ELSPBP1: variants seen among roughly 807,000 people sequenced by gnomAD.
ELSPBP1 encodes the protein epididymal sperm binding protein 1.
Under a neutral mutation model 33.3 loss-of-function variants are expected in ELSPBP1, and 38 were observed. The observed-to-expected ratio is 1.14, with a 90% CI of 0.88 to 1.50. The LOEUF (loss-of-function observed/expected upper bound fraction) is 1.50, where lower values mean the gene tolerates loss of function less well. ELSPBP1 is among the 40% of genes most tolerant of loss of function. The probability of loss-of-function intolerance (pLI) is 0.00; values close to 1 mark genes in which losing one functional copy is unlikely to be tolerated. For missense variants in ELSPBP1, 267 were observed against 263.5 expected (o/e 1.01, Z -0.09); for synonymous variants, 85 against 94.1 (o/e 0.90, Z 0.56).
intron 1 of ELSPBP1, among the ~76,000 whole-genome samples, chr19:48,005,202 CA>C (rs564622240): frequency 0.15 from 17,691 of 117,916 alleles, 1,039 homozygotes; most frequent in Middle Eastern, 0.22. Flanking sequence ...GACCCTGTCT[CA>C]AAAAAAAAAA....
At chr19:48,002,600 GGCCAACACGGTGAAACCGTGTC>G (rs1156913060) in intron 1 of ELSPBP1, among the ~76,000 whole-genome samples, 1 of 152,164 alleles carries the variant, frequency 6.6e-6, no homozygotes, top group Non-Finnish European at 1.5e-5. Context: ...AAACCAACCT[GGCCAACACGGTGAAACCGTGTC>G]TCTACTAAAA....
At position 48,011,477 on chromosome 19, in the gene ELSPBP1, TTGA is replaced by T. The variant is rs1409961947; in HGVS notation, c.71-2689_71-2687del. 6.8e-6 allele frequency among the ~76,000 whole-genome samples: 1 copy of T among 147,832 alleles called. No homozygotes were observed. Among genetic ancestry groups the T allele is most frequent in the Non-Finnish European group, 1.5e-5 (1 of 66,958 alleles). ...GATGATGACAATGACAATAATGAGG[TTGA>T]TGATAATGACAATGACTGATAATGA... On this transcript the variant is annotated intron_variant, in intron 2 of 6. Transcript: ENST00000339841. The surrounding 1 kb of genome is among the most constrained non-coding windows in gnomAD (Gnocchi z 4.5).
chr19:48,007,406 C>A (rs1967032815), intron 1 of ELSPBP1, among the ~76,000 whole-genome samples: 1 of 152,094 alleles, frequency 6.6e-6, no homozygotes, highest in Admixed American at 6.6e-5. Context: ...ATCATGCCTG[C>A]CCTTAGATTT....
chr19:48,021,486 C>G (rs1029489525), intron 5 of ELSPBP1, among the ~76,000 whole-genome samples: 8 of 151,008 alleles, frequency 5.3e-5, no homozygotes, highest in Non-Finnish European at 5.9e-5. Flanking sequence ...GTCGCCCAGG[C>G]TGGAGTGCAG....
At chr19:48,021,082 T>C (rs1967194964) in intron 5 of ELSPBP1, among the ~76,000 whole-genome samples, 1 of 152,206 alleles carries the variant, frequency 6.6e-6, no homozygotes, top group Admixed American at 6.5e-5. Context: ...GGGGTCATCT[T>C]TCATGAGGAC....
At chr19:48,005,510 A>G (rs1301630684) in intron 1 of ELSPBP1, among the ~76,000 whole-genome samples, 2 of 152,168 alleles carry the variant, frequency 1.3e-5, no homozygotes, top group African/African-American at 2.4e-5. Context: ...AAATGAAGTA[A>G]CATGGGGGAA....
At chr19:47,999,905 C>T (rs935976077) in intron 1 of ELSPBP1, among the ~76,000 whole-genome samples, 8 of 151,822 alleles carry the variant, frequency 5.3e-5, no homozygotes, top group African/African-American at 1.5e-4. Flanking sequence ...TCACTGCAGC[C>T]TCAATATCCT....
intron 3 of ELSPBP1, among the ~76,000 whole-genome samples, chr19:48,014,841 A>C (rs916661064): frequency 1.3e-5 from 2 of 152,194 alleles, no homozygotes; most frequent in African/African-American, 4.8e-5. Context: ...AGTGTTAAAA[A>C]TAGTGCTCTC....
chr19:48,008,539 T>C (rs1967045294), intron 1 of ELSPBP1, 112 bp from the exon 2 acceptor site: 1 of 716,774 alleles, frequency 1.4e-6, no homozygotes, highest in Non-Finnish European at 2.3e-6. Context: ...TGGTCTATTT[T>C]TTAAATTACT....
At chr19:48,018,455 C>G (rs1967165050) in intron 4 of ELSPBP1, among the ~76,000 whole-genome samples, 1 of 152,114 alleles carries the variant, frequency 6.6e-6, no homozygotes, top group South Asian at 2.1e-4. Flanking sequence ...CTGTTGTTTC[C>G]CTTACCATCT....
At chr19:48,016,656 T>A (rs1600110129) in intron 4 of ELSPBP1, among the ~76,000 whole-genome samples, 1 of 151,570 alleles carries the variant, frequency 6.6e-6, no homozygotes, top group Non-Finnish European at 1.5e-5. Context: ...TGGAGTGCAG[T>A]GGAATGATCT....
At chr19:48,012,303 GT>G (rs113060240) in intron 2 of ELSPBP1, among the ~76,000 whole-genome samples, 25,342 of 151,794 alleles carry the variant, frequency 0.17, 2,166 homozygotes, top group South Asian at 0.23. Context: ...TTGTTTGTTT[GT>G]TTTTTTGTAG....
At chr19:48,021,422 T>TA (rs1967198853) in intron 5 of ELSPBP1, among the ~76,000 whole-genome samples, 1 of 142,024 alleles carries the variant, frequency 7.0e-6, no homozygotes, top group African/African-American at 2.6e-5. Context: ...TTTTTTTTTT[T>TA]ACTTTTTATA....
intron 1 of ELSPBP1, among the ~76,000 whole-genome samples, chr19:47,999,383 A>ATT: frequency 8.2e-6 from 1 of 121,368 alleles, no homozygotes; most frequent in African/African-American, 3.4e-5. Context: ...TGAAAGCCTC[A>ATT]TTTCTTTTTT....
At chr19:48,023,577 G>T in intron 6 of ELSPBP1, among the ~76,000 whole-genome samples, 1 of 111,468 alleles carries the variant, frequency 9.0e-6, no homozygotes, top group Non-Finnish European at 2.1e-5. Flanking sequence ...GGGAAGGAAG[G>T]GAGGGAGGAA....
At chr19:48,008,224 GTA>G in intron 1 of ELSPBP1, among the ~76,000 whole-genome samples, 1 of 151,506 alleles carries the variant, frequency 6.6e-6, no homozygotes, top group South Asian at 2.1e-4. Flanking sequence ...TGTGTGTGTG[GTA>G]TATGTGTGTG....
intron 1 of ELSPBP1, among the ~76,000 whole-genome samples, chr19:48,005,340 G>A (rs555735826): frequency 2.3e-4 from 35 of 152,284 alleles, no homozygotes; most frequent in African/African-American, 6.3e-4. Flanking sequence ...AATGAAAAAG[G>A]CCTTCCTTTA....
chr19:48,001,248 G>A (rs758484245), intron 1 of ELSPBP1, among the ~76,000 whole-genome samples: 1 of 150,476 alleles, frequency 6.6e-6, no homozygotes. Context: ...TTGGCTCACT[G>A]CAACCTCTAA....
At chr19:48,015,160 G>T (rs10426361) in intron 3 of ELSPBP1, among the ~76,000 whole-genome samples, 119,539 of 152,136 alleles carry the variant, frequency 0.79, 47,285 homozygotes, top group East Asian at 0.94. Context: ...ATAAGAAAAT[G>T]GTAAAAAGGA....
Sources: gnomAD v4.1 joint callset for allele counts (sites outside exome capture counted in the v4.1 genomes callset) on GRCh38, gnomAD v4.1.1 for gene constraint, Gnocchi (gnomAD v3.1) non-coding constraint, MANE v1.5 for transcripts, NCBI Gene and HGNC (gene_info 2026-07-23, HGNC 2026-07-21) for gene names.